CDA: variants seen among roughly 807,000 people sequenced by gnomAD.
CDA encodes cytidine deaminase.
In CDA, 7 loss-of-function variants were observed where a neutral mutation model predicts 15.0. That is an observed-to-expected ratio of 0.47 (90% confidence interval 0.26 to 0.87). The LOEUF (loss-of-function observed/expected upper bound fraction) is 0.87, where lower values mean the gene tolerates loss of function less well. Ranked by LOEUF, CDA falls within the 40% of genes least tolerant of loss-of-function variation. The probability of loss-of-function intolerance (pLI) is 0.15; values close to 1 mark genes in which losing one functional copy is unlikely to be tolerated. For synonymous variants in CDA, 58 were observed against 73.0 expected (o/e 0.79, Z 1.05); for missense variants, 159 against 182.7 (o/e 0.87, Z 0.75).
chr1:20,591,209 T>C (rs2052546064), intron 1 of CDA, among the ~76,000 whole-genome samples: 2 of 151,522 alleles, frequency 1.3e-5, no homozygotes, highest in Non-Finnish European at 2.9e-5. Flanking sequence ...GGCGTGGTGA[T>C]GGGTGCCTGT....
At chr1:20,594,697 G>A (rs1407749321) in intron 1 of CDA, among the ~76,000 whole-genome samples, 1 of 151,124 alleles carries the variant, frequency 6.6e-6, no homozygotes, top group Non-Finnish European at 1.5e-5. Flanking sequence ...GCTGAAGCAG[G>A]AGAATCGCTT....
intron 1 of CDA, among the ~76,000 whole-genome samples, chr1:20,589,890 G>A (rs2052533348): frequency 6.6e-6 from 1 of 152,202 alleles, no homozygotes; most frequent in Non-Finnish European, 1.5e-5. Context: ...AAGCCAGCTG[G>A]GCTTTCGGAG....
At chr1:20,611,281 A>G (rs2052748413) in intron 2 of CDA, among the ~76,000 whole-genome samples, 1 of 152,236 alleles carries the variant, frequency 6.6e-6, no homozygotes, top group Non-Finnish European at 1.5e-5. Context: ...TTCCAGAGAT[A>G]TCACAAAGCT....
chr1:20,605,659 C>CAA (rs59282672), intron 2 of CDA, among the ~76,000 whole-genome samples: 1 of 102,782 alleles, frequency 9.7e-6, no homozygotes, highest in Non-Finnish European at 2.1e-5. Context: ...GACTCCGTCT[C>CAA]AAAAAAAAAA....
intron 1 of CDA, among the ~76,000 whole-genome samples, chr1:20,590,062 G>T (rs1275978777): frequency 2.0e-5 from 3 of 152,190 alleles, no homozygotes; most frequent in African/African-American, 7.2e-5. Context: ...AAGCTTAGAG[G>T]CATTCTCCTT....
rs2101170669 is a variant in CDA at position 20,589,157 on chromosome 1, C to T, written c.28C>T (p.Leu10=). 1 of 1,614,208 alleles carries T rather than the reference C, an allele frequency of 6.2e-7. No individual in the cohort carries two copies. The highest frequency in any genetic ancestry group is 8.5e-7 in the Non-Finnish European group (1 of 1,180,030). Residue 10 remains leucine (L), a synonymous_variant, in exon 1 of 4, where the codon CTG becomes TTG. Coordinates refer to ENST00000375071, the MANE Select transcript of CDA (RefSeq NM_001785.3). MAQKRPACT[L]KPECVQQLLV... is the part of the protein sequence containing the mutation. Reference sequence around the variant, plus strand: ...GGCCCAGAAGCGTCCTGCCTGCACCCTGAAGCCTGAGTGTGTCCAGCAGCT... The same window carrying T: ...GGCCCAGAAGCGTCCTGCCTGCACCTTGAAGCCTGAGTGTGTCCAGCAGCT...
At chr1:20,590,237 A>C (rs553961642) in intron 1 of CDA, among the ~76,000 whole-genome samples, 19 of 152,298 alleles carry the variant, frequency 1.2e-4, no homozygotes, top group South Asian at 8.3e-4. Context: ...AATGCTATCC[A>C]TTTAACCCCT....
intron 2 of CDA, among the ~76,000 whole-genome samples, chr1:20,612,800 G>A (rs992609420): frequency 7.2e-5 from 11 of 151,928 alleles, no homozygotes; most frequent in Admixed American, 1.3e-4. Flanking sequence ...AAAATTAGCC[G>A]GGCGTGGTGG....
chr1:20,606,898 T>C (rs1256196887), intron 2 of CDA, among the ~76,000 whole-genome samples: 1 of 152,192 alleles, frequency 6.6e-6, no homozygotes, highest in Non-Finnish European at 1.5e-5. Context: ...TAATGGTGAA[T>C]TGCTCCTGTG....
intron 3 of CDA, among the ~76,000 whole-genome samples, chr1:20,614,922 T>C (rs542038): frequency 0.98 from 148,749 of 152,136 alleles, 72,815 homozygotes; most frequent in East Asian, 1. Context: ...AGTGCAGTGG[T>C]AGAGTCTCAG....
chr1:20,615,210 A>T (rs182786521), intron 3 of CDA, among the ~76,000 whole-genome samples: 7 of 152,228 alleles, frequency 4.6e-5, no homozygotes, highest in African/African-American at 1.7e-4. Context: ...CATTATATAT[A>T]TTTTATCACA....
At chr1:20,593,821 C>G (rs2052569261) in intron 1 of CDA, among the ~76,000 whole-genome samples, 2 of 152,234 alleles carry the variant, frequency 1.3e-5, no homozygotes, top group Admixed American at 1.3e-4. Flanking sequence ...ATGATCCTCC[C>G]ACCTTGGCCT....
chr1:20,610,273 TATTTTATTTTATTTTTA>T (rs1483059089), intron 2 of CDA, among the ~76,000 whole-genome samples: 11 of 132,756 alleles, frequency 8.3e-5, no homozygotes, highest in Non-Finnish European at 1.7e-4. Flanking sequence ...TTTTTTTTTT[TATTTTATTTTATTTTTA>T]TTTTTATTTA....
chr1:20,594,349 G>A (rs902222456), intron 1 of CDA, among the ~76,000 whole-genome samples: 1 of 152,148 alleles, frequency 6.6e-6, no homozygotes, highest in Admixed American at 6.5e-5. Flanking sequence ...CCTCGGGCTG[G>A]TAACATTCGT....
intron 1 of CDA, among the ~76,000 whole-genome samples, chr1:20,592,848 T>C (rs2052560430): frequency 1.3e-5 from 2 of 152,182 alleles, no homozygotes; most frequent in Admixed American, 1.3e-4. Flanking sequence ...ATCCCAGTGC[T>C]TTGGGAGGAT....
At chr1:20,591,184 A>C (rs2052545767) in intron 1 of CDA, among the ~76,000 whole-genome samples, 1 of 151,054 alleles carries the variant, frequency 6.6e-6, no homozygotes, top group African/African-American at 2.4e-5. Context: ...CTAAAAATAC[A>C]AAAAAAAATA....
chr1:20,597,750 A>G (rs2052602982), intron 1 of CDA, among the ~76,000 whole-genome samples: 1 of 152,214 alleles, frequency 6.6e-6, no homozygotes, highest in African/African-American at 2.4e-5. Context: ...GTTTTGAAGT[A>G]AGCAAAGGCA....
At chr1:20,591,303 T>G (rs1000936613) in intron 1 of CDA, among the ~76,000 whole-genome samples, 10 of 151,878 alleles carry the variant, frequency 6.6e-5, no homozygotes, top group Non-Finnish European at 1.5e-4. Context: ...ATCGTGCCAC[T>G]GCACTCCAGC....
chr1:20,609,143 C>T (rs1440755913), intron 2 of CDA, among the ~76,000 whole-genome samples: 2 of 152,170 alleles, frequency 1.3e-5, no homozygotes, highest in African/African-American at 4.8e-5. Flanking sequence ...TGCAGATCAC[C>T]TTGTCCAGGG....
Sources: allele counts gnomAD v4.1 joint callset (sites outside exome capture counted in the v4.1 genomes callset), GRCh38; gene constraint gnomAD v4.1.1; transcripts MANE v1.5; gene names NCBI Gene and HGNC (gene_info 2026-07-23, HGNC 2026-07-21).